The following ALOX12B variants were observed in gnomAD, a reference collection of about 807,000 sequenced individuals.
The protein encoded by ALOX12B is arachidonate 12-lipoxygenase, 12R-type.
Under a neutral mutation model 78.9 loss-of-function variants are expected in ALOX12B, and 47 were observed. That is an observed-to-expected ratio of 0.60 (90% CI 0.47 to 0.76). The LOEUF (loss-of-function observed/expected upper bound fraction) is 0.76. ALOX12B is among the 30% of genes least tolerant of loss of function. The pLI, the probability that ALOX12B is intolerant of heterozygous loss-of-function variation, is 0.00. For synonymous variants in ALOX12B, 370 were observed against 374.5 expected (o/e 0.99, Z 0.14); for missense variants, 805 against 922.6 (o/e 0.87, Z 1.65).
At position 8,076,692 on chromosome 17, in the gene ALOX12B, C is replaced by A; in HGVS notation, c.1327G>T (p.Ala443Ser). Residue 443 changes from alanine (A) to serine (S), a missense_variant, in exon 10 of 15, where the codon GCC becomes TCC. Physicochemically the swap from Ala to Ser is moderately conservative, Grantham distance 99 (BLOSUM62 1). Transcript: ENST00000647874. The part of the protein sequence containing the change: ...YTVQINSIGR[A>S]VLLNEGGLSA... ...AGCCCCCCCTCATTGAGGAGAACGG[C>A]CCGGCCAATGCTGTTGATCTGGACG... 1 of 1,551,294 alleles carries A rather than the reference C, an allele frequency of 6.4e-7. No individual in the cohort carries two copies. The highest frequency in any genetic ancestry group is 8.7e-7 in the Non-Finnish European group (1 of 1,147,100).
chr17:8,078,115 TTTTATTTATTTATTTATTTATTTA>T (rs200983287), intron 8 of ALOX12B, among the ~76,000 whole-genome samples: 135 of 143,266 alleles, frequency 9.4e-4, no homozygotes, highest in African/African-American at 3.3e-3. Flanking sequence ...TTTTATTTCA[TTTTATTTATTTATTTATTTATTTA>T]TTTATTTATT....
At chr17:8,073,551 G>A in intron 13 of ALOX12B, 106 bp downstream of exon 13, 1 of 1,164,772 alleles carries the variant, frequency 8.6e-7, no homozygotes, top group Non-Finnish European at 1.3e-6. Context: ...ACAAGTTGAG[G>A]CTGGACCAGG....
In ALOX12B at chr17:8,079,665, G is replaced by C; in HGVS notation, c.927+104C>G. 1 of 1,536,080 alleles carries C rather than the reference G, an allele frequency of 6.5e-7. No individual in the cohort carries two copies. Among genetic ancestry groups the C allele is most frequent in the Non-Finnish European group, 8.8e-7 (1 of 1,137,882 alleles). On this transcript the variant is annotated intron_variant, in intron 7 of 14. Transcript: ENST00000647874. The surrounding 1 kb of genome is among the most constrained non-coding windows in gnomAD (Gnocchi z 6.4). The stretch of plus-strand genomic sequence containing the variant: ...GGACGGGGACAGGGACGCGGGGTGC[G>C]GGCTTGCCTGGGACTGGCGCGGGCG...
chr17:8,073,774 A>G lies in ALOX12B; in HGVS notation c.1655-17T>C, dbSNP rs929558561. 6.2e-7 allele frequency: 1 copy of G among 1,609,072 alleles called. No homozygotes were observed. Among genetic ancestry groups the G allele is most frequent in the South Asian group, 1.1e-5 (1 of 90,758 alleles). On this transcript the variant is annotated splice_polypyrimidine_tract_variant and intron_variant, in intron 12 of 14. Transcript: ENST00000647874. Reference sequence around the variant, plus strand: ...TAGGGAAGCCTGACCGGCGGGGGAAAAGCCCAGGCGACATCAGTCGTGCCC... The same window carrying G: ...TAGGGAAGCCTGACCGGCGGGGGAAGAGCCCAGGCGACATCAGTCGTGCCC...
chr17:8,078,630 G>T (rs1387785612), intron 8 of ALOX12B, among the ~76,000 whole-genome samples: 1 of 152,078 alleles, frequency 6.6e-6, no homozygotes, highest in Non-Finnish European at 1.5e-5. Context: ...ACCCAGCTCC[G>T]CTGAGCAGCG....
Position 8,075,603 on chromosome 17 carries a change from T to C in ALOX12B, c.1646A>G (p.Glu549Gly), listed in dbSNP as rs1461406920. Residue 549 changes from glutamate (E) to glycine (G), a missense_variant, in exon 12 of 15, where the codon GAG (glutamate) becomes GGG (glycine). Coordinates refer to ENST00000647874, the MANE Select transcript of ALOX12B (RefSeq NM_001139.3). ...GGTGTCCAGGCCCATACCTGAGCTC[T>C]CCCGCCCCAGGAGGCACTCTTTAAA... The part of the protein sequence containing the change: ...EIFKECLLGR[E>G]SSGFPRCLRT... 2 of 1,614,062 alleles carry C rather than the reference T, an allele frequency of 1.2e-6. No homozygotes were observed. Among genetic ancestry groups the C allele is most frequent in the South Asian group, 2.2e-5 (2 of 91,076 alleles).
chr17:8,084,165 T>A (rs114033443), intron 2 of ALOX12B, among the ~76,000 whole-genome samples: 9 of 140,280 alleles, frequency 6.4e-5, no homozygotes, highest in African/African-American at 1.6e-4. Context: ...AAAAAAAAAA[T>A]TTGAAAATAT....
At position 8,079,592 on chromosome 17, in the gene ALOX12B, G is replaced by GA. The variant is rs1977162767; in HGVS notation, c.928-54dup. On this transcript the variant is annotated intron_variant, in intron 7 of 14. Transcript: ENST00000647874. The surrounding 1 kb of genome is among the most constrained non-coding windows in gnomAD (Gnocchi z 6.4). ...GTAGGCACCCACACGGGAAGCCCGT[G>GA]ACCCGCGCCGCAGGTGCACAGGGCG... The GA allele has an allele frequency of 6.5e-7, 1 of 1,545,672 alleles. No homozygotes were observed. Among genetic ancestry groups the GA allele is most frequent in the African/African-American group, 1.4e-5 (1 of 73,090 alleles).
chr17:8,081,353 T>C (rs750871254), intron 2 of ALOX12B, 166 bp from the exon 3 acceptor site: 188 of 713,048 alleles, frequency 2.6e-4, no homozygotes, highest in Non-Finnish European at 4.0e-4. Flanking sequence ...TCCGGAAATA[T>C]CAGATAAAAG....
chr17:8,083,525 T>TC (rs1978289785), intron 2 of ALOX12B, among the ~76,000 whole-genome samples: 1 of 151,796 alleles, frequency 6.6e-6, no homozygotes. Context: ...GGTCAGGAAT[T>TC]CAAGACCAGC....
At position 8,073,196 on chromosome 17, in the gene ALOX12B, G is replaced by T. The variant is rs757499953; in HGVS notation, c.1878C>A (p.Cys626Ter). 5 of 1,614,184 alleles carry T rather than the reference G, an allele frequency of 3.1e-6. No individual in the cohort carries two copies. The South Asian group carries it at 4.4e-5, about 14-fold the overall frequency. Residue 626 changes from cysteine to a stop codon, truncating the protein, a stop_gained, in exon 14 of 15, where the codon TGC becomes TGA. Transcript: ENST00000647874. LOFTEE classifies it low-confidence loss of function (END_TRUNC). Reference protein sequence around the residue: ...MDTLPDVKTTCITLLVLWTLS... With the variant: ...MDTLPDVKTT ...GGGTCCAGAGCACCAGCAGCGTGAT[G>T]CACGTGGTCTTCACATCCGGCAACG... is the stretch of plus-strand genomic sequence containing the variant.
intron 12 of ALOX12B, among the ~76,000 whole-genome samples, chr17:8,074,422 CAA>C (rs1314423038): frequency 1.3e-5 from 2 of 152,078 alleles, no homozygotes; most frequent in Non-Finnish European, 2.9e-5. Context: ...TATCCAGTTG[CAA>C]AAGTCTGAAA....
rs780374238 is a variant in ALOX12B at position 8,079,945 on chromosome 17, C to A, written c.755-4G>T. ...GCCCAGTGCTCGGCCACGTACTCTGCGAGGACGGCGCGAGGGCGTCACAAG... is the reference window on the plus strand; with the variant it reads ...GCCCAGTGCTCGGCCACGTACTCTGAGAGGACGGCGCGAGGGCGTCACAAG... On this transcript the variant is annotated splice_polypyrimidine_tract_variant and splice_region_variant and intron_variant, in intron 6 of 14. Coordinates refer to ENST00000647874, the MANE Select transcript of ALOX12B (RefSeq NM_001139.3). This position sits in a 1 kb window ranked among gnomAD's most constrained non-coding sequence, Gnocchi z 6.4. 16 of 1,610,476 alleles carry A rather than the reference C, an allele frequency of 9.9e-6. No homozygotes were observed. In the Middle Eastern group the frequency reaches 1.3e-3, roughly 133 times the overall value.
chr17:8,086,073 A>G lies in ALOX12B; in HGVS notation c.295T>C (p.Phe99Leu). ...ICAPNGRIYH[F>L]PAYQWMDGYE... ...CCATCCATCCACTGGTAGGCGGGGA[A>G]GTGGTAGATACGGCCGTTGGGGGCA... The change falls in exon 2 of 15, where the codon TTC (phenylalanine) becomes CTC (leucine). Residue 99 changes from phenylalanine (F) to leucine (L), a missense_variant. By Grantham distance (22) the Phe-to-Leu change is conservative (BLOSUM62 0). Coordinates refer to ENST00000647874, the MANE Select transcript of ALOX12B (RefSeq NM_001139.3). The G allele has an allele frequency of 6.2e-7, 1 of 1,614,120 alleles. No homozygotes were observed. The highest frequency in any genetic ancestry group is 2.2e-5 in the East Asian group (1 of 44,874).
At chr17:8,073,343 T>C in intron 13 of ALOX12B, 25 bp from the exon 14 acceptor site, 3 of 1,613,780 alleles carry the variant, frequency 1.9e-6, no homozygotes, top group Non-Finnish European at 2.5e-6. Flanking sequence ...GAGGCGCGGG[T>C]CTGGGTGGAA....
Position 8,076,514 on chromosome 17 carries a change from C to G in ALOX12B, c.1362+143G>C, listed in dbSNP as rs187134594. The G allele has an allele frequency of 1.5e-4, 195 of 1,280,554 alleles. 1 individual carries two copies. In the African/African-American group the frequency reaches 2.7e-3, roughly 18 times the overall value. The allele number at this position is 1,280,554 out of a possible 1,614,324, so 79.3% of individuals were successfully genotyped here. ...AGCCCTGCCTCTGCTCCTTTCTAGA[C>G]AGGAGAACCAACTTCATCCAGCTCC... is the stretch of plus-strand genomic sequence containing the variant. On this transcript the variant is annotated intron_variant, in intron 10 of 14. Transcript: ENST00000647874.
chr17:8,083,619 C>T (rs1978289969), intron 2 of ALOX12B, among the ~76,000 whole-genome samples: 1 of 152,122 alleles, frequency 6.6e-6, no homozygotes, highest in Non-Finnish European at 1.5e-5. Context: ...ATCCCAGCTA[C>T]TCTGGAGGCT....
chr17:8,087,471 C>T lies in ALOX12B; in HGVS notation c.-29G>A. 1.9e-6 allele frequency: 3 copies of T among 1,613,956 alleles called. No homozygotes were observed. The highest frequency in any genetic ancestry group is 1.3e-5 in the African/African-American group (1 of 75,060). On this transcript the variant is annotated 5_prime_UTR_variant, in exon 1 of 15. It adds an upstream start codon to the 5' untranslated region. Coordinates refer to ENST00000647874, the MANE Select transcript of ALOX12B (RefSeq NM_001139.3). ...TGCTCTTCAGGAGGCAAGAGGGGCA[C>T]TCAGTCCCAGACACCGTGGAGGGGC...
At chr17:8,076,090 C>G (rs1977073973) in intron 11 of ALOX12B, 85 bp downstream of exon 11, 2 of 1,572,630 alleles carry the variant, frequency 1.3e-6, no homozygotes, top group Admixed American at 1.7e-5. Context: ...CAGACCCACA[C>G]TCAGTTCTCT....
Sources: allele counts gnomAD v4.1 joint callset (sites outside exome capture counted in the v4.1 genomes callset), GRCh38; gene constraint gnomAD v4.1.1; non-coding constraint Gnocchi (gnomAD v3.1); transcripts MANE v1.5; gene names NCBI Gene and HGNC (gene_info 2026-07-23, HGNC 2026-07-21).